PDE3B: variants seen among roughly 807,000 people sequenced by gnomAD.
The protein encoded by PDE3B is cGMP-inhibited 3',5'-cyclic phosphodiesterase 3B.
In PDE3B, 66 loss-of-function variants were observed where a neutral mutation model predicts 116.8. The observed-to-expected ratio is 0.56, with a 90% CI of 0.46 to 0.69. PDE3B has a LOEUF of 0.69. PDE3B is among the 30% of genes least tolerant of loss of function. The pLI is 0.00. For synonymous variants in PDE3B, 595 were observed against 533.6 expected, an observed-to-expected ratio of 1.12 and a Z score of -1.59; for missense variants, 1,384 against 1,368.1, an observed-to-expected ratio of 1.01 and a Z score of -0.18.
chr11:14,866,893 C>T (rs879988873), intron 14 of PDE3B, among the ~76,000 whole-genome samples: 13 of 152,126 alleles, frequency 8.5e-5, no homozygotes, highest in African/African-American at 2.9e-4. Flanking sequence ...CAACACCACA[C>T]AGGTAGTAGT....
At chr11:14,891,084 A>G in the PDE3B span, 1 of 985,416 alleles carries the variant, frequency 1.0e-6, no homozygotes. Flanking sequence ...GTAATTCAAA[A>G]CAAAACAGGT....
At chr11:14,864,766 C>G (rs1555007801) in intron 14 of PDE3B, among the ~76,000 whole-genome samples, 1 of 151,934 alleles carries the variant, frequency 6.6e-6, no homozygotes, top group Non-Finnish European at 1.5e-5. Flanking sequence ...GAATGACTAC[C>G]AGGTAAATAA....
At chr11:14,661,024 G>A (rs1213089828) in intron 1 of PDE3B, among the ~76,000 whole-genome samples, 1 of 152,180 alleles carries the variant, frequency 6.6e-6, no homozygotes, top group Non-Finnish European at 1.5e-5. Flanking sequence ...GAAACAACAG[G>A]TGCTGGAGAG....
intron 1 of PDE3B, among the ~76,000 whole-genome samples, chr11:14,725,368 TCTC>T (rs1370427904): frequency 2.0e-5 from 3 of 150,772 alleles, no homozygotes; most frequent in South Asian, 2.1e-4. Flanking sequence ...CCTCTCTCTT[TCTC>T]CTTTCTTCCT....
chr11:14,786,735 T>C (rs1436327372), intron 3 of PDE3B, 50 bp downstream of exon 3: 1 of 1,442,640 alleles, frequency 6.9e-7, no homozygotes, highest in Admixed American at 1.8e-5. Flanking sequence ...TAATGATATT[T>C]TCAAATTAAC....
chr11:14,644,138 C>G lies in PDE3B; in HGVS notation c.63C>G (p.Gly21=). Residue 21 remains glycine, a synonymous_variant, in exon 1 of 16, where the codon GGC becomes GGG. Transcript: ENST00000282096. ...CCCTGCAGCCGCCGGATGGGGCCGG[C>G]TCGCCCCCCGAGAGTCTGAGGAACG... ...MRSLQPPDGA[G]SPPESLRNGY... 3.2e-6 allele frequency: 5 copies of G among 1,586,446 alleles called. No homozygotes were observed. Among genetic ancestry groups the G allele is most frequent in the Non-Finnish European group, 4.3e-6 (5 of 1,174,752 alleles).
chr11:14,666,675 A>G (rs1174603436), intron 1 of PDE3B, among the ~76,000 whole-genome samples: 4 of 151,372 alleles, frequency 2.6e-5, no homozygotes, highest in Non-Finnish European at 5.9e-5. Flanking sequence ...CAAAAAACAC[A>G]TGAAAAAATG....
At chr11:14,667,837 A>G (rs1854225707) in intron 1 of PDE3B, among the ~76,000 whole-genome samples, 1 of 23,234 alleles carries the variant, frequency 4.3e-5, no homozygotes, top group African/African-American at 1.7e-4. Context: ...TTAAAGTATA[A>G]TAATAATAAT....
chr11:14,846,414 G>T (rs1847603345), intron 12 of PDE3B, among the ~76,000 whole-genome samples: 1 of 152,198 alleles, frequency 6.6e-6, no homozygotes, highest in Non-Finnish European at 1.5e-5. Context: ...ATCGAGGCTA[G>T]GAAGAAACTG....
chr11:14,875,412 A>C (rs559155342), downstream of PDE3B, among the ~76,000 whole-genome samples: 101 of 152,230 alleles, frequency 6.6e-4, no homozygotes, highest in African/African-American at 2.2e-3. Flanking sequence ...TGGTTATTTC[A>C]GTGATACATG....
chr11:14,812,865 C>A (rs1054146793), intron 5 of PDE3B, among the ~76,000 whole-genome samples: 14 of 152,154 alleles, frequency 9.2e-5, no homozygotes, highest in Admixed American at 5.2e-4. Flanking sequence ...GAAACCTAAT[C>A]CTCAGTGTGA....
rs374011231 is a variant in PDE3B at position 14,757,158 on chromosome 11, C to T, written c.979-14779C>T. Among the ~76,000 whole-genome samples the T allele has an allele frequency of 4.0e-5, 6 of 151,772 alleles. No individual in the cohort carries two copies. The South Asian group carries it at 6.2e-4, about 16-fold the overall frequency. ...CATCATTTTTTATGGCTGCATAGTA[C>T]TCCATGGTGTATATGTGCCACATTT... On this transcript the variant is annotated intron_variant, in intron 1 of 15. Coordinates refer to ENST00000282096, the MANE Select transcript of PDE3B (RefSeq NM_000922.4).
At chr11:14,668,006 G>A (rs1854232867) in intron 1 of PDE3B, among the ~76,000 whole-genome samples, 2 of 151,232 alleles carry the variant, frequency 1.3e-5, no homozygotes, top group Admixed American at 6.6e-5. Flanking sequence ...AATACATTTT[G>A]GCCAAAAGCT....
At chr11:14,741,472 G>T (rs1281727939) in intron 1 of PDE3B, among the ~76,000 whole-genome samples, 5 of 151,610 alleles carry the variant, frequency 3.3e-5, no homozygotes, top group African/African-American at 1.2e-4. Context: ...CTTTTTTTGA[G>T]CCTATGTGTT....
intron 1 of PDE3B, among the ~76,000 whole-genome samples, chr11:14,650,841 G>C (rs999159628): frequency 2.0e-5 from 3 of 152,032 alleles, no homozygotes; most frequent in African/African-American, 7.2e-5. Flanking sequence ...AGGTAAGGAA[G>C]TAGATTTTTT....
At chr11:14,879,040 A>G in the PDE3B span, 4 of 1,191,402 alleles carry the variant, frequency 3.4e-6, no homozygotes, top group Non-Finnish European at 5.0e-6. Context: ...AGGATGCTTC[A>G]GATTAAGATG....
At chr11:14,724,345 A>T (rs1301574665) in intron 1 of PDE3B, among the ~76,000 whole-genome samples, 1 of 152,174 alleles carries the variant, frequency 6.6e-6, no homozygotes, top group African/African-American at 2.4e-5. Flanking sequence ...AAAACTCATT[A>T]GTTAGCTTTT....
intron 1 of PDE3B, among the ~76,000 whole-genome samples, chr11:14,716,343 A>C (rs1855891971): frequency 6.6e-6 from 1 of 151,948 alleles, no homozygotes; most frequent in Admixed American, 6.5e-5. Context: ...AGGCTGGGGG[A>C]GGGGAGCCCG....
intron 1 of PDE3B, among the ~76,000 whole-genome samples, chr11:14,691,124 A>G (rs909770651): frequency 6.6e-5 from 10 of 152,190 alleles, no homozygotes; most frequent in African/African-American, 2.4e-4. Flanking sequence ...AATTCAGTAA[A>G]GGTGATTTAA....
Sources: allele counts gnomAD v4.1 joint callset (sites outside exome capture counted in the v4.1 genomes callset), GRCh38; gene constraint gnomAD v4.1.1; transcripts MANE v1.5; gene names NCBI Gene and HGNC (gene_info 2026-07-23, HGNC 2026-07-21).